The following NBAS variants were observed in gnomAD, a reference collection of about 807,000 sequenced individuals.
The protein encoded by NBAS is NAG/BC035112 fusion.
Under a neutral mutation model 302.5 loss-of-function variants are expected in NBAS, and 219 were observed. The observed-to-expected ratio is 0.72, with a 90% CI of 0.65 to 0.81. The LOEUF (loss-of-function observed/expected upper bound fraction) is 0.81, where lower values mean the gene tolerates loss of function less well. NBAS is among the 30% of genes least tolerant of loss of function. The pLI, the probability that NBAS is intolerant of heterozygous loss-of-function variation, is 0.00. For missense variants in NBAS, 2,932 were observed against 2,841.6 expected (o/e 1.03, Z -0.72); for synonymous variants, 1,118 against 1,021.6 (o/e 1.09, Z -1.80).
chr2:15,163,652 A>G (rs1366534583), downstream of NBAS, among the ~76,000 whole-genome samples: 1 of 152,198 alleles, frequency 6.6e-6, no homozygotes, highest in Non-Finnish European at 1.5e-5. Flanking sequence ...TGATGCCATA[A>G]TAATCATTGT....
chr2:15,016,653 C>T, the NBAS span, among the ~76,000 whole-genome samples: 1 of 151,874 alleles, frequency 6.6e-6, no homozygotes, highest in African/African-American at 2.4e-5. Context: ...CACAAAAGAC[C>T]CTAAATAGCC....
At chr2:15,478,121 A>C (rs1215089646) in intron 13 of NBAS, 105 bp downstream of exon 13, 1 of 800,002 alleles carries the variant, frequency 1.3e-6, no homozygotes, top group Non-Finnish European at 2.0e-6. Context: ...GTTTCTTCCA[A>C]AGTGCAGCAA....
At chr2:14,938,569 A>C in the NBAS span, among the ~76,000 whole-genome samples, 1 of 151,906 alleles carries the variant, frequency 6.6e-6, no homozygotes, top group Non-Finnish European at 1.5e-5. Flanking sequence ...TATGATTTAC[A>C]AACAAAGTAT....
At chr2:15,203,292 T>A (rs1665969297) in intron 48 of NBAS, among the ~76,000 whole-genome samples, 1 of 152,198 alleles carries the variant, frequency 6.6e-6, no homozygotes, top group South Asian at 2.1e-4. Flanking sequence ...TTGAGTCTAT[T>A]TCCTTATGTG....
At chr2:14,789,709 AC>A in the NBAS span, among the ~76,000 whole-genome samples, 1 of 152,030 alleles carries the variant, frequency 6.6e-6, no homozygotes, top group South Asian at 2.1e-4. Flanking sequence ...GAGGGATACC[AC>A]CTCTCCCTTG....
At chr2:14,949,226 C>A in the NBAS span, among the ~76,000 whole-genome samples, 2 of 151,940 alleles carry the variant, frequency 1.3e-5, no homozygotes, top group Admixed American at 6.6e-5. Context: ...GTAACCAGAG[C>A]AAAAGTAGAC....
chr2:15,029,209 C>T, the NBAS span, among the ~76,000 whole-genome samples: 3 of 152,152 alleles, frequency 2.0e-5, no homozygotes, highest in Non-Finnish European at 4.4e-5. Flanking sequence ...TTTTAAAGCT[C>T]GTAGAGAACT....
chr2:15,220,089 C>T (rs1399365973), intron 47 of NBAS, among the ~76,000 whole-genome samples: 8 of 149,030 alleles, frequency 5.4e-5, no homozygotes, highest in African/African-American at 1.5e-4. Flanking sequence ...GCTGACCCCC[C>T]CCACCTCCCT....
At chr2:15,168,454 C>T (rs1392888259) in intron 51 of NBAS, among the ~76,000 whole-genome samples, 1 of 152,128 alleles carries the variant, frequency 6.6e-6, no homozygotes, top group African/African-American at 2.4e-5. Context: ...TCCTACTACC[C>T]ACAGGGGTCA....
chr2:14,848,993 A>C, the NBAS span, among the ~76,000 whole-genome samples: 729 of 150,800 alleles, frequency 4.8e-3, 3 homozygotes, highest in African/African-American at 0.017. Flanking sequence ...GAACAGAAAA[A>C]CTGGAAACTC....
At chr2:15,003,469 G>A in the NBAS span, among the ~76,000 whole-genome samples, 1 of 152,122 alleles carries the variant, frequency 6.6e-6, no homozygotes, top group Non-Finnish European at 1.5e-5. Context: ...ACACCAAGAA[G>A]ACAGAAGAAC....
intron 49 of NBAS, among the ~76,000 whole-genome samples, chr2:15,188,201 A>G (rs1179199618): frequency 6.6e-6 from 1 of 152,254 alleles, no homozygotes; most frequent in African/African-American, 2.4e-5. Context: ...GTACAAACTC[A>G]GTATTTTTCC....
the NBAS span, among the ~76,000 whole-genome samples, chr2:14,998,486 G>A: frequency 1.2e-4 from 19 of 152,072 alleles, no homozygotes; most frequent in Admixed American, 7.9e-4. Context: ...TGGGTGAGGC[G>A]GTACCTTACC....
At chr2:15,173,953 C>A (rs552258863) in intron 51 of NBAS, among the ~76,000 whole-genome samples, 11 of 152,366 alleles carry the variant, frequency 7.2e-5, no homozygotes, top group African/African-American at 2.6e-4. Flanking sequence ...TTCTTCACTT[C>A]ATACACAGTG....
At chr2:15,425,609 A>G (rs1276285593) in intron 22 of NBAS, among the ~76,000 whole-genome samples, 3 of 152,118 alleles carry the variant, frequency 2.0e-5, no homozygotes, top group Non-Finnish European at 4.4e-5. Flanking sequence ...CTGCCACTAC[A>G]ATAAAACTTC....
intron 38 of NBAS, among the ~76,000 whole-genome samples, chr2:15,325,141 C>T (rs1286945141): frequency 6.6e-6 from 1 of 152,146 alleles, no homozygotes; most frequent in African/African-American, 2.4e-5. Flanking sequence ...GTAAACCATA[C>T]CTTTTATATG....
At chr2:15,158,436 T>C in the NBAS span, among the ~76,000 whole-genome samples, 1 of 152,142 alleles carries the variant, frequency 6.6e-6, no homozygotes, top group Non-Finnish European at 1.5e-5. Flanking sequence ...TAAATGACAA[T>C]GCTGAGGCTG....
rs974225825 is a variant in NBAS, at chr2:15,366,599, A to G, written c.3798T>C (p.Ala1266=). 6.2e-6 allele frequency: 10 copies of G among 1,614,000 alleles called. No homozygotes were observed. In the African/African-American group the frequency reaches 9.3e-5, roughly 15 times the overall value. ...YKQSTKLLGL[A]ELLRVAGENP... is the part of the protein sequence containing the mutation. ...ACTTACCTGCAACCCTCAGCAGCTC[A>G]GCAAGGCCCAGAAGCTTGGTGGATT... Residue 1266 remains alanine (A), a synonymous_variant, in exon 32 of 52, where the codon GCT becomes GCC. Transcript: ENST00000281513.
the NBAS span, among the ~76,000 whole-genome samples, chr2:14,815,049 A>G: frequency 1.3e-5 from 2 of 152,128 alleles, no homozygotes; most frequent in African/African-American, 4.8e-5. Context: ...GCCTTCCATC[A>G]TGATTGTAAG....
Sources: allele counts gnomAD v4.1 joint callset (sites outside exome capture counted in the v4.1 genomes callset), GRCh38; gene constraint gnomAD v4.1.1; transcripts MANE v1.5; gene names NCBI Gene and HGNC (gene_info 2026-07-23, HGNC 2026-07-21).